JAKMIP2: variants seen among roughly 807,000 people sequenced by gnomAD.
JAKMIP2 encodes janus kinase and microtubule-interacting protein 2.
In JAKMIP2, 25 loss-of-function variants were observed where a neutral mutation model predicts 115.0. The ratio of observed to expected loss-of-function variants is 0.22; its 90% CI spans 0.16 to 0.30. JAKMIP2 has a LOEUF of 0.30. Among genes scored for constraint, JAKMIP2 ranks in the 10% least tolerant of loss-of-function variants. The pLI is 1.00. For synonymous variants in JAKMIP2, 334 were observed against 343.6 expected (o/e 0.97, Z 0.31); for missense variants, 642 against 957.6 (o/e 0.67, Z 4.35).
At chr5:147,710,037 T>A (rs988969387) in intron 1 of JAKMIP2, among the ~76,000 whole-genome samples, 1 of 152,214 alleles carries the variant, frequency 6.6e-6, no homozygotes, top group African/African-American at 2.4e-5. Flanking sequence ...AATTCTTCAA[T>A]GCCTAATAGA....
At chr5:147,759,726 T>C (rs944849725) in intron 1 of JAKMIP2, among the ~76,000 whole-genome samples, 6 of 152,102 alleles carry the variant, frequency 3.9e-5, no homozygotes, top group Admixed American at 3.9e-4. Context: ...GAAAAGTGTG[T>C]CTGATTAACA....
intron 16 of JAKMIP2, among the ~76,000 whole-genome samples, chr5:147,627,929 C>T (rs895698990): frequency 4.0e-5 from 6 of 151,440 alleles, no homozygotes; most frequent in Non-Finnish European, 7.4e-5. Context: ...AGAATTCCCT[C>T]ATTTCAGATT....
At chr5:147,758,363 C>A (rs183555461) in intron 1 of JAKMIP2, among the ~76,000 whole-genome samples, 5 of 152,144 alleles carry the variant, frequency 3.3e-5, no homozygotes, top group Admixed American at 6.5e-5. Context: ...AAAATAACTT[C>A]TTTTAAAATA....
In JAKMIP2 at chr5:147,768,839, G is replaced by A. The variant is rs543644355; in HGVS notation, c.-149+13617C>T. On this transcript the variant is annotated intron_variant, in intron 1 of 21. Transcript: ENST00000616793. The stretch of plus-strand genomic sequence containing the variant: ...GGCCTGGTCCTTTTGTGGCTGAATG[G>A]GAGACACATACTGTCACAATGTTTG... Among the ~76,000 whole-genome samples the A allele has an allele frequency of 9.9e-5, 15 of 152,182 alleles. No homozygotes were observed. The South Asian group carries it at 1.2e-3, about 13-fold the overall frequency.
chr5:147,740,742 A>G (rs1468732058), intron 1 of JAKMIP2, among the ~76,000 whole-genome samples: 1 of 152,232 alleles, frequency 6.6e-6, no homozygotes, highest in East Asian at 1.9e-4. Flanking sequence ...ACCAGAGCTT[A>G]GCATAGTGAT....
At chr5:147,667,691 C>A (rs57028563) in intron 2 of JAKMIP2, among the ~76,000 whole-genome samples, 2,002 of 152,264 alleles carry the variant, frequency 0.013, 53 homozygotes, top group African/African-American at 0.046. Flanking sequence ...TCCTATACAA[C>A]CTTACACAAT....
intron 1 of JAKMIP2, among the ~76,000 whole-genome samples, chr5:147,701,047 C>A (rs1752304858): frequency 6.6e-6 from 1 of 151,862 alleles, no homozygotes; most frequent in Non-Finnish European, 1.5e-5. Context: ...GTCCTGTAGG[C>A]TATGGTAAGA....
intron 3 of JAKMIP2, among the ~76,000 whole-genome samples, chr5:147,655,119 G>A (rs184545335): frequency 6.6e-6 from 1 of 152,252 alleles, no homozygotes; most frequent in East Asian, 1.9e-4. Flanking sequence ...ATTTTATTGA[G>A]AATTTTCACA....
At chr5:147,612,205 C>A in intron 20 of JAKMIP2, 101 bp downstream of exon 20, 3 of 843,528 alleles carry the variant, frequency 3.6e-6, no homozygotes, top group Admixed American at 3.4e-5. Context: ...CTCTGCAAGA[C>A]ACACAATAAC....
At chr5:147,635,863 CAT>C (rs1162005276) in intron 12 of JAKMIP2, among the ~76,000 whole-genome samples, 1 of 152,128 alleles carries the variant, frequency 6.6e-6, no homozygotes, top group African/African-American at 2.4e-5. Context: ...GCCTGGCCCT[CAT>C]AGAGGTTTTG....
intron 3 of JAKMIP2, among the ~76,000 whole-genome samples, chr5:147,651,051 C>A (rs1219914258): frequency 6.6e-6 from 1 of 152,060 alleles, no homozygotes; most frequent in Non-Finnish European, 1.5e-5. Flanking sequence ...TTTTCCAAGA[C>A]TAACATGCTT....
At chr5:147,732,522 C>G (rs1370752996) in intron 1 of JAKMIP2, among the ~76,000 whole-genome samples, 3 of 152,168 alleles carry the variant, frequency 2.0e-5, no homozygotes, top group Non-Finnish European at 4.4e-5. Flanking sequence ...TTAACTGCAG[C>G]TATTTCTCCT....
chr5:147,764,943 AGAGGGAGAGAGAGAGAGAGAGAGGGG>A (rs1561582532), intron 1 of JAKMIP2, among the ~76,000 whole-genome samples: 9 of 93,032 alleles, frequency 9.7e-5, no homozygotes, highest in African/African-American at 5.0e-4. Flanking sequence ...AGAGAGAGAG[AGAGGGAGAGAGAGAGAGAGAGAGGGG>A]GAGAGAGAGA....
Position 147,623,608 on chromosome 5 carries a change from A to T in JAKMIP2, c.2064+13T>A, listed in dbSNP as rs778292920. On this transcript the variant is annotated intron_variant, in intron 17 of 21. Coordinates refer to ENST00000616793, the MANE Select transcript of JAKMIP2 (RefSeq NM_001270941.2). ...TTTTTCTTAATTTTTACAATATCTC[A>T]TCTTGTACTTACCATGTCACTTTCC... 5 of 1,563,608 alleles carry T rather than the reference A, an allele frequency of 3.2e-6. No individual in the cohort carries two copies. The highest frequency in any genetic ancestry group is 4.4e-6 in the Non-Finnish European group (5 of 1,134,284).
chr5:147,697,639 CT>C (rs1358903360), intron 1 of JAKMIP2, among the ~76,000 whole-genome samples: 1 of 152,190 alleles, frequency 6.6e-6, no homozygotes, highest in Admixed American at 6.5e-5. Context: ...CCAGCTGTGG[CT>C]AAAAGAGGCC....
At position 147,671,808 on chromosome 5, in the gene JAKMIP2, G is replaced by A. The variant is rs1759607839; in HGVS notation, c.-2C>T. 1.3e-6 allele frequency: 2 copies of A among 1,560,796 alleles called. No homozygotes were observed. The highest frequency in any genetic ancestry group is 2.8e-5 in the African/African-American group (2 of 72,248). The stretch of plus-strand genomic sequence containing the variant: ...CTTATTTCGCCCTTTCTTGGACATT[G>A]TTCCTTTCTAAATGGAGTCTGTTGG... On this transcript the variant is annotated 5_prime_UTR_variant, in exon 2 of 22. Transcript: ENST00000616793.
intron 2 of JAKMIP2, among the ~76,000 whole-genome samples, chr5:147,665,314 A>G (rs1759239875): frequency 6.6e-6 from 1 of 152,232 alleles, no homozygotes; most frequent in Non-Finnish European, 1.5e-5. Context: ...CCCTTCACAG[A>G]AAGAGTTTGC....
intron 18 of JAKMIP2, among the ~76,000 whole-genome samples, chr5:147,618,668 G>A (rs1183989759): frequency 6.6e-6 from 1 of 152,122 alleles, no homozygotes; most frequent in African/African-American, 2.4e-5. Context: ...AACCCGAGAG[G>A]CGGAAGTTGC....
At position 147,782,664 on chromosome 5, in the gene JAKMIP2, G is replaced by GGCAGCAGCAGCAGCAGCAGCAGCA. The variant is rs3840518; in HGVS notation, c.-358_-357insTGCTGCTGCTGCTGCTGCTGCTGC. 1.6e-6 allele frequency: 1 copy of GGCAGCAGCAGCAGCAGCAGCAGCA among 625,782 alleles called. No individual in the cohort carries two copies. Among genetic ancestry groups the GGCAGCAGCAGCAGCAGCAGCAGCA allele is most frequent in the African/African-American group, 1.8e-5 (1 of 54,252 alleles). 38.8% of individuals were successfully genotyped at this position (625,782 alleles called of 1,614,324 possible). ...TATCAGCAATAGAGGCGGCGGCGGC[G>GGCAGCAGCAGCAGCAGCAGCAGCA]GCAGCAGCAGCAGCAGCAGCATCAC... On this transcript the variant is annotated 5_prime_UTR_variant, in exon 1 of 22. Coordinates refer to ENST00000616793, the MANE Select transcript of JAKMIP2 (RefSeq NM_001270941.2).
Sources: gnomAD v4.1 joint callset for allele counts (sites outside exome capture counted in the v4.1 genomes callset) on GRCh38, gnomAD v4.1.1 for gene constraint, MANE v1.5 for transcripts, NCBI Gene and HGNC (gene_info 2026-07-23, HGNC 2026-07-21) for gene names.